Variants in CIT observed in about 807,000 individuals in gnomAD.
CIT encodes the protein citron rho-interacting serine/threonine kinase, also known as citron Rho-interacting kinase.
CIT carries 79 observed loss-of-function variants against 272.7 expected under a neutral mutation model. The observed-to-expected ratio is 0.29, with a 90% CI of 0.24 to 0.35. CIT has a LOEUF of 0.35. Ranked by LOEUF, CIT falls within the 10% of genes least tolerant of loss-of-function variation. The probability of loss-of-function intolerance (pLI) is 1.00; values close to 1 mark genes in which losing one functional copy is unlikely to be tolerated. For synonymous variants in CIT, 948 were observed against 995.6 expected (o/e 0.95, Z 0.90); for missense variants, 1,909 against 2,618.3 (o/e 0.73, Z 5.91).
At position 119,770,473 on chromosome 12, in the gene CIT, G is replaced by C. The variant is rs1417494197; in HGVS notation, c.2208+312C>G. On this transcript the variant is annotated intron_variant, in intron 18 of 47. Coordinates refer to ENST00000392521, the MANE Select transcript of CIT (RefSeq NM_001206999.2). The surrounding 1 kb of genome is among the most constrained non-coding windows in gnomAD (Gnocchi z 4.4). ...ACAGCTATCCAAAGCTCTGCTGATAGAAGTATGTCAACACGCCTTTAAAAA... is the reference window on the plus strand; with the variant it reads ...ACAGCTATCCAAAGCTCTGCTGATACAAGTATGTCAACACGCCTTTAAAAA... Among the ~76,000 whole-genome samples, 1 of 149,744 alleles carries C rather than the reference G, an allele frequency of 6.7e-6. No homozygotes were observed. The highest frequency in any genetic ancestry group is 1.5e-5 in the Non-Finnish European group (1 of 67,816).
At chr12:119,867,953 G>C (rs565859802) in intron 3 of CIT, among the ~76,000 whole-genome samples, 1 of 152,300 alleles carries the variant, frequency 6.6e-6, no homozygotes, top group Non-Finnish European at 1.5e-5. Context: ...ATGGGGCCAG[G>C]CATGGTGGCT....
At chr12:119,817,958 T>C (rs1967357732) in intron 9 of CIT, among the ~76,000 whole-genome samples, 1 of 151,924 alleles carries the variant, frequency 6.6e-6, no homozygotes, top group Admixed American at 6.6e-5. Context: ...TGTTCTTAAA[T>C]AGACCTAGAG....
At chr12:119,725,382 C>T (rs1958037534) in intron 28 of CIT, among the ~76,000 whole-genome samples, 1 of 151,542 alleles carries the variant, frequency 6.6e-6, no homozygotes, top group Admixed American at 6.6e-5. Flanking sequence ...GCCAAGATCA[C>T]GCCACTGCAC....
Position 119,712,746 on chromosome 12 carries a change from A to G in CIT, c.4580-51T>C. ...AGAAAAACAAAAGAACAGGAACAAG[A>G]ACAAGGGGAGAAGAGAGAGCGAGAG... On this transcript the variant is annotated intron_variant, in intron 35 of 47. Coordinates refer to ENST00000392521, the MANE Select transcript of CIT (RefSeq NM_001206999.2). This position sits in a 1 kb window ranked among gnomAD's most constrained non-coding sequence, Gnocchi z 5.2. The G allele has an allele frequency of 1.4e-6, 2 of 1,468,962 alleles. No homozygotes were observed. Among genetic ancestry groups the G allele is most frequent in the South Asian group, 2.3e-5 (2 of 87,698 alleles). 91.0% of individuals were successfully genotyped at this position (1,468,962 alleles called of 1,614,324 possible).
chr12:119,712,887 G>A lies in CIT; in HGVS notation c.4580-192C>T, dbSNP rs1313405674. ...GGGAAGATAAAAAAAAATAAAGTGT[G>A]TCAGATGAGTAGCACAGTCAAATTT... On this transcript the variant is annotated intron_variant, in intron 35 of 47. Coordinates refer to ENST00000392521, the MANE Select transcript of CIT (RefSeq NM_001206999.2). The surrounding 1 kb of genome is among the most constrained non-coding windows in gnomAD (Gnocchi z 5.2). The A allele has an allele frequency of 1.0e-5, 6 of 588,556 alleles. No individual in the cohort carries two copies. In the East Asian group the frequency reaches 1.7e-4, roughly 17 times the overall value. 36.5% of individuals were successfully genotyped at this position (588,556 alleles called of 1,614,324 possible).
At position 119,832,792 on chromosome 12, in the gene CIT, C is replaced by A. The variant is rs747648400; in HGVS notation, c.732G>T (p.Ala244=). The part of the protein sequence containing the change: ...HIKLVDFGSA[A]KMNSNKMVNA... ...TTACCATCTTGTTTGAATTCATTTT[C>A]GCGGCAGATCCAAAATCCACCAGCT... Residue 244 remains alanine (A), a synonymous_variant, in exon 7 of 48, where the codon GCG becomes GCT. Coordinates refer to ENST00000392521, the MANE Select transcript of CIT (RefSeq NM_001206999.2). 6.2e-7 allele frequency: 1 copy of A among 1,613,670 alleles called. No individual in the cohort carries two copies. Among genetic ancestry groups the A allele is most frequent in the South Asian group, 1.1e-5 (1 of 91,068 alleles).
intron 10 of CIT, among the ~76,000 whole-genome samples, chr12:119,797,105 T>C (rs899154643): frequency 6.6e-6 from 1 of 152,194 alleles, no homozygotes; most frequent in African/African-American, 2.4e-5. Context: ...AAGGAAGAGT[T>C]GCCAGACTGG....
intron 19 of CIT, among the ~76,000 whole-genome samples, chr12:119,765,865 T>A (rs1447536855): frequency 6.6e-6 from 1 of 151,984 alleles, no homozygotes; most frequent in Non-Finnish European, 1.5e-5. Context: ...AATCGAGCTG[T>A]CACATGATCC....
chr12:119,702,468 C>T (rs1259602065), intron 41 of CIT, among the ~76,000 whole-genome samples: 1 of 152,008 alleles, frequency 6.6e-6, no homozygotes, highest in Admixed American at 6.6e-5. Context: ...GGTGGATCAC[C>T]TGAGGTCAGG....
chr12:119,739,045 A>G (rs1428750904), intron 24 of CIT, among the ~76,000 whole-genome samples: 1 of 152,202 alleles, frequency 6.6e-6, no homozygotes, highest in Non-Finnish European at 1.5e-5. Context: ...TTACCAGGTA[A>G]AAGTCCAATG....
At chr12:119,839,664 C>T (rs1471856924) in intron 5 of CIT, among the ~76,000 whole-genome samples, 12 of 152,218 alleles carry the variant, frequency 7.9e-5, no homozygotes, top group East Asian at 7.7e-4. Context: ...TCCATCTATG[C>T]GAAAAATCCT....
At chr12:119,861,754 A>G (rs1361148130) in intron 3 of CIT, among the ~76,000 whole-genome samples, 1 of 152,224 alleles carries the variant, frequency 6.6e-6, no homozygotes, top group Non-Finnish European at 1.5e-5. Context: ...CATTGTCCAC[A>G]GAAATACTTG....
Position 119,712,057 on chromosome 12 carries a change from A to G in CIT, c.4854+121T>C. On this transcript the variant is annotated intron_variant, in intron 37 of 47. Coordinates refer to ENST00000392521, the MANE Select transcript of CIT (RefSeq NM_001206999.2). The surrounding 1 kb of genome is among the most constrained non-coding windows in gnomAD (Gnocchi z 5.2). ...GGCCATGACACAGTCTAGAGCCATCAGCCCTCAGAGAGAGAGCCTGAGGGG... is the reference window on the plus strand; with the variant it reads ...GGCCATGACACAGTCTAGAGCCATCGGCCCTCAGAGAGAGAGCCTGAGGGG... 1 of 934,328 alleles carries G rather than the reference A, an allele frequency of 1.1e-6. No individual in the cohort carries two copies. The highest frequency in any genetic ancestry group is 1.7e-5 in the South Asian group (1 of 60,584). 57.9% of individuals were successfully genotyped at this position (934,328 alleles called of 1,614,324 possible). A position where few individuals can be genotyped will look rare whatever the true frequency, so the allele number is the denominator to read the frequency against.
intron 16 of CIT, among the ~76,000 whole-genome samples, chr12:119,775,202 G>A (rs1963623053): frequency 6.6e-6 from 1 of 151,898 alleles, no homozygotes; most frequent in South Asian, 2.1e-4. Context: ...CAACCCAGGA[G>A]GCGGAGGTTG....
intron 24 of CIT, among the ~76,000 whole-genome samples, chr12:119,738,184 C>T (rs1422287654): frequency 6.6e-6 from 1 of 152,080 alleles, no homozygotes; most frequent in East Asian, 1.9e-4. Flanking sequence ...ACATTCTTGC[C>T]CCCTGAACCA....
At position 119,804,506 on chromosome 12, in the gene CIT, A is replaced by T; in HGVS notation, c.1112-1117T>A. On this transcript the variant is annotated intron_variant, in intron 9 of 47. Transcript: ENST00000392521. This position sits in a 1 kb window ranked among gnomAD's most constrained non-coding sequence, Gnocchi z 5.3. ...CTGATCCCAGTGACAGAGCAGCATG[A>T]GTCACTGCCCGCCAGGGCTCGCTAG... is the stretch of plus-strand genomic sequence containing the variant. The T allele has an allele frequency of 1.0e-6, 1 of 985,096 alleles. No individual in the cohort carries two copies. Among genetic ancestry groups the T allele is most frequent in the Non-Finnish European group, 1.2e-6 (1 of 829,596 alleles). The allele number at this position is 985,096 out of a possible 1,614,324, so 61.0% of individuals were successfully genotyped here. A position where few individuals can be genotyped will look rare whatever the true frequency, so the allele number is the denominator to read the frequency against.
intron 19 of CIT, among the ~76,000 whole-genome samples, chr12:119,763,291 G>GGGGACTACTGTGTACATT (rs1566006506): frequency 6.3e-4 from 3 of 4,760 alleles, no homozygotes; most frequent in Non-Finnish European, 9.3e-4. Context: ...TGCAAAGGTG[G>GGGGACTACTGTGTACATT]CTCACTGCAG....
At position 119,784,437 on chromosome 12, in the gene CIT, TCCAG is replaced by T; in HGVS notation, c.1402-390_1402-387del. ...TCCTTGCAAAGATCTAGAGGACAAA[TCCAG>T]GACAGGGCAAGGAGATATTTATTCG... On this transcript the variant is annotated intron_variant, in intron 11 of 47. Transcript: ENST00000392521. The surrounding 1 kb of genome is among the most constrained non-coding windows in gnomAD (Gnocchi z 4.7). The T allele has an allele frequency of 8.3e-7, 1 of 1,209,620 alleles. No homozygotes were observed. The highest frequency in any genetic ancestry group is 1.6e-5 in the African/African-American group (1 of 63,406). The allele number at this position is 1,209,620 out of a possible 1,614,324, so 74.9% of individuals were successfully genotyped here.
chr12:119,699,995 G>A, intron 44 of CIT: 1 of 445,748 alleles, frequency 2.2e-6, no homozygotes, highest in East Asian at 7.0e-5. Context: ...TATCTAACAA[G>A]TGCAAAAAGA....
Sources: allele counts gnomAD v4.1 joint callset (sites outside exome capture counted in the v4.1 genomes callset), GRCh38; gene constraint gnomAD v4.1.1; non-coding constraint Gnocchi (gnomAD v3.1); transcripts MANE v1.5; gene names NCBI Gene and HGNC (gene_info 2026-07-23, HGNC 2026-07-21).